The following MAP7 variants were observed in gnomAD, a reference collection of about 807,000 sequenced individuals.
The protein encoded by MAP7 is microtubule associated protein 7.
Under a neutral mutation model 94.8 loss-of-function variants are expected in MAP7, and 52 were observed. The observed-to-expected ratio is 0.55, with a 90% confidence interval of 0.44 to 0.69. The LOEUF is 0.69. Among genes scored for constraint, MAP7 ranks in the 30% least tolerant of loss-of-function variants. The pLI, the probability that MAP7 is intolerant of heterozygous loss-of-function variation, is 0.00. For synonymous variants in MAP7, 350 were observed against 357.0 expected (o/e 0.98, Z 0.22); for missense variants, 940 against 964.6 (o/e 0.97, Z 0.34).
At chr6:136,422,002 AC>A (rs1791530159) in intron 1 of MAP7, among the ~76,000 whole-genome samples, 1 of 152,134 alleles carries the variant, frequency 6.6e-6, no homozygotes, top group South Asian at 2.1e-4. Flanking sequence ...AGCTTGAGTG[AC>A]CCATCTTATA....
At chr6:136,416,211 G>A (rs986634983) in intron 2 of MAP7, among the ~76,000 whole-genome samples, 4 of 152,114 alleles carry the variant, frequency 2.6e-5, no homozygotes, top group Non-Finnish European at 4.4e-5. Flanking sequence ...AACAAACAAC[G>A]AACAACCTTA....
At chr6:136,538,799 A>C (rs1829084431) in intron 1 of MAP7, among the ~76,000 whole-genome samples, 1 of 54,284 alleles carries the variant, frequency 1.8e-5, no homozygotes, top group Non-Finnish European at 3.4e-5. Flanking sequence ...ATTTTGTCTC[A>C]AAAAAAAAAA....
chr6:136,414,264 A>AAAAAAAAAAAAAAAAAAC (rs1253144453), intron 2 of MAP7, among the ~76,000 whole-genome samples: 1 of 135,528 alleles, frequency 7.4e-6, no homozygotes, highest in African/African-American at 3.0e-5. Flanking sequence ...AAAAAAAAAA[A>AAAAAAAAAAAAAAAAAAC]AAAAAAAAAA....
At chr6:136,504,043 T>TA (rs1820618876) in intron 1 of MAP7, among the ~76,000 whole-genome samples, 1 of 152,338 alleles carries the variant, frequency 6.6e-6, no homozygotes, top group South Asian at 2.1e-4. Context: ...AGGCAGCACT[T>TA]AAACTATATT....
intron 1 of MAP7, among the ~76,000 whole-genome samples, chr6:136,539,440 A>G (rs1829140199): frequency 6.6e-6 from 1 of 152,234 alleles, no homozygotes; most frequent in South Asian, 2.1e-4. Flanking sequence ...AGCCTCACAC[A>G]TGCTCAGTTT....
chr6:136,546,565 T>C (rs1431244142), intron 1 of MAP7, among the ~76,000 whole-genome samples: 2 of 152,196 alleles, frequency 1.3e-5, no homozygotes, highest in Non-Finnish European at 2.9e-5. Context: ...CTGTATCCAG[T>C]ATGTTCTTCC....
At chr6:136,524,812 T>C (rs888605464) in intron 1 of MAP7, among the ~76,000 whole-genome samples, 1 of 152,272 alleles carries the variant, frequency 6.6e-6, no homozygotes, top group African/African-American at 2.4e-5. Context: ...GCTTAAATAT[T>C]TGCTTTCTAC....
intron 1 of MAP7, among the ~76,000 whole-genome samples, chr6:136,439,195 G>A (rs924723766): frequency 2.0e-5 from 3 of 152,274 alleles, no homozygotes; most frequent in African/African-American, 7.2e-5. Flanking sequence ...GTGCTAAGAG[G>A]TGGGGCCTTC....
chr6:136,441,390 G>A (rs1797826686), intron 1 of MAP7, among the ~76,000 whole-genome samples: 1 of 152,150 alleles, frequency 6.6e-6, no homozygotes, highest in Admixed American at 6.5e-5. Flanking sequence ...TAATAGAGCA[G>A]AAAATGTTCA....
intron 1 of MAP7, among the ~76,000 whole-genome samples, chr6:136,464,758 A>G (rs1174924047): frequency 6.6e-6 from 1 of 152,222 alleles, no homozygotes; most frequent in Non-Finnish European, 1.5e-5. Context: ...ATTGAAAACT[A>G]GGGATGGATT....
intron 1 of MAP7, among the ~76,000 whole-genome samples, chr6:136,509,516 G>A (rs906612573): frequency 1.3e-5 from 2 of 152,062 alleles, no homozygotes; most frequent in Non-Finnish European, 2.9e-5. Context: ...GCCTCCCAAA[G>A]TGCTAGGATT....
intron 1 of MAP7, among the ~76,000 whole-genome samples, chr6:136,532,771 C>T (rs1226892603): frequency 6.6e-6 from 1 of 152,198 alleles, no homozygotes; most frequent in Non-Finnish European, 1.5e-5. Flanking sequence ...CTTTGCTGTA[C>T]CTGTGCACAT....
At chr6:136,383,814 C>T in intron 5 of MAP7, 33 bp from the exon 6 acceptor site, 1 of 1,305,996 alleles carries the variant, frequency 7.7e-7, no homozygotes, top group Non-Finnish European at 1.1e-6. Flanking sequence ...TAATTGACAG[C>T]CAACATGTAG....
intron 1 of MAP7, among the ~76,000 whole-genome samples, chr6:136,508,048 G>A (rs913429297): frequency 6.6e-6 from 1 of 152,176 alleles, no homozygotes; most frequent in African/African-American, 2.4e-5. Flanking sequence ...TTTTCAGGCT[G>A]GGTGCAGTGG....
intron 8 of MAP7, 113 bp from the exon 9 acceptor site, chr6:136,366,552 G>A: frequency 2.7e-6 from 2 of 736,674 alleles, no homozygotes; most frequent in Non-Finnish European, 4.7e-6. Context: ...AATTTTCTTA[G>A]CTATGTCACA....
chr6:136,453,287 A>T (rs1173622788), intron 1 of MAP7, among the ~76,000 whole-genome samples: 1 of 152,202 alleles, frequency 6.6e-6, no homozygotes, highest in East Asian at 1.9e-4. Context: ...GATGGCAGCC[A>T]TTGGCTGTAA....
At chr6:136,463,740 G>A (rs1806008379) in intron 1 of MAP7, among the ~76,000 whole-genome samples, 1 of 152,172 alleles carries the variant, frequency 6.6e-6, no homozygotes, top group Admixed American at 6.5e-5. Context: ...AGGAGACTGA[G>A]GCTCAGGGAG....
chr6:136,404,058 T>G (rs1784919020), intron 3 of MAP7, among the ~76,000 whole-genome samples: 1 of 152,236 alleles, frequency 6.6e-6, no homozygotes, highest in Admixed American at 6.5e-5. Context: ...TGACCCCTTT[T>G]TTTTTCCTGG....
intron 3 of MAP7, among the ~76,000 whole-genome samples, chr6:136,400,373 G>A (rs976992019): frequency 9.4e-5 from 14 of 149,026 alleles, no homozygotes; most frequent in South Asian, 6.3e-4. Flanking sequence ...CCAAGATTGC[G>A]CTACTGCACT....
Sources: gnomAD v4.1 joint callset for allele counts (sites outside exome capture counted in the v4.1 genomes callset) on GRCh38, gnomAD v4.1.1 for gene constraint, MANE v1.5 for transcripts, NCBI Gene and HGNC (gene_info 2026-07-23, HGNC 2026-07-21) for gene names.